EXD2: variants seen among roughly 807,000 people sequenced by gnomAD.
EXD2 encodes the protein exonuclease 3'-5' domain containing 2, also known as exonuclease 3'-5' domain-containing protein 2.
EXD2 carries 40 observed loss-of-function variants against 62.5 expected under a neutral mutation model. The observed-to-expected ratio is 0.64, with a 90% CI of 0.50 to 0.83. The LOEUF is 0.83. Ranked by LOEUF, EXD2 falls within the 40% of genes least tolerant of loss-of-function variation. EXD2 has a pLI of 0.00. For missense variants in EXD2, 671 were observed against 761.8 expected (o/e 0.88, Z 1.40); for synonymous variants, 239 against 291.9 (o/e 0.82, Z 1.85).
chr14:69,209,874 C>T (rs118014825), intron 3 of EXD2, 71 bp downstream of exon 3: 22,060 of 1,239,860 alleles, frequency 0.018, 258 homozygotes, highest in Non-Finnish European at 0.022. Context: ...GGACCTTGGA[C>T]AGTCAAGTAG....
rs1292858734 is a variant in EXD2, at chr14:69,209,686, A to C, written c.216A>C (p.Glu72Asp). The C allele has an allele frequency of 6.4e-7, 1 of 1,550,430 alleles. No homozygotes were observed. The highest frequency in any genetic ancestry group is 8.7e-7 in the Non-Finnish European group (1 of 1,146,984). The change falls in exon 3 of 10, where the codon GAA becomes GAC. Residue 72 changes from glutamate (E) to aspartate (D), a missense_variant. Physicochemically the swap from Glu to Asp is conservative, Grantham distance 45. Transcript: ENST00000685843. ...GTGCCCCCAGATCCTCGTGGAAGGA[A>C]CGGATCCTTAAAGCAAAGGTGGTGA... is the stretch of plus-strand genomic sequence containing the variant. ...HSSAPRSSWKERILKAKVVTV... is the reference protein window; with the variant it reads ...HSSAPRSSWKDRILKAKVVTV...
intron 2 of EXD2, among the ~76,000 whole-genome samples, chr14:69,207,694 C>G (rs2042652901): frequency 6.6e-6 from 1 of 151,980 alleles, no homozygotes; most frequent in Non-Finnish European, 1.5e-5. Context: ...TTGGCTGGCG[C>G]AATATTTTTT....
intron 3 of EXD2, among the ~76,000 whole-genome samples, chr14:69,212,231 G>T (rs1258458840): frequency 6.6e-6 from 1 of 152,014 alleles, no homozygotes; most frequent in African/African-American, 2.4e-5. Flanking sequence ...ACAAAAATTA[G>T]CCAGGCGTGG....
chr14:69,198,692 G>A (rs112245130), intron 1 of EXD2, among the ~76,000 whole-genome samples: 2 of 152,336 alleles, frequency 1.3e-5, no homozygotes, highest in African/African-American at 4.8e-5. Flanking sequence ...AAGGTGAACT[G>A]TAGTAATGGC....
intron 8 of EXD2, 138 bp downstream of exon 8, chr14:69,236,680 C>A: frequency 1.7e-6 from 2 of 1,179,266 alleles, no homozygotes; most frequent in Non-Finnish European, 2.4e-6. Context: ...CCAGCTTCCC[C>A]AAGAGCTTTG....
chr14:69,238,632 G>GT (rs1200860236), intron 9 of EXD2, among the ~76,000 whole-genome samples: 43 of 149,060 alleles, frequency 2.9e-4, no homozygotes, highest in Admixed American at 6.0e-4. Context: ...TAGTTTTGTG[G>GT]TTTTTTTGTT....
chr14:69,220,284 T>TTTTTTTTC (rs1331707550), intron 3 of EXD2, among the ~76,000 whole-genome samples: 2 of 87,752 alleles, frequency 2.3e-5, no homozygotes, highest in African/African-American at 8.2e-5. Flanking sequence ...TTTTTTTTTT[T>TTTTTTTTC]TTTTGAGACA....
intron 1 of EXD2, among the ~76,000 whole-genome samples, chr14:69,202,306 G>T (rs565144223): frequency 6.6e-6 from 1 of 152,100 alleles, no homozygotes; most frequent in South Asian, 2.1e-4. Context: ...GAACCCAAGA[G>T]GTCAAGGGTG....
intron 3 of EXD2, among the ~76,000 whole-genome samples, chr14:69,211,004 G>A (rs1427610149): frequency 6.6e-6 from 1 of 152,182 alleles, no homozygotes; most frequent in Non-Finnish European, 1.5e-5. Context: ...GATCAGGGTA[G>A]TGGTTGCTGA....
intron 1 of EXD2, among the ~76,000 whole-genome samples, chr14:69,196,694 G>T (rs529730402): frequency 1.3e-5 from 2 of 150,548 alleles, no homozygotes; most frequent in African/African-American, 4.9e-5. Context: ...AGTGATCAAA[G>T]CTTACTGCAG....
At chr14:69,213,724 T>TTAGC (rs2042898869) in intron 3 of EXD2, among the ~76,000 whole-genome samples, 2 of 148,252 alleles carry the variant, frequency 1.3e-5, no homozygotes, top group Non-Finnish European at 3.0e-5. Context: ...AGTACATTAG[T>TTAGC]GCAATCTTGA....
chr14:69,216,740 T>G (rs2042998133), intron 3 of EXD2, among the ~76,000 whole-genome samples: 1 of 152,236 alleles, frequency 6.6e-6, no homozygotes, highest in African/African-American at 2.4e-5. Flanking sequence ...CATGAAATTA[T>G]ATATATTATG....
intron 3 of EXD2, among the ~76,000 whole-genome samples, chr14:69,222,534 T>G (rs974661059): frequency 6.6e-5 from 10 of 152,212 alleles, no homozygotes; most frequent in Non-Finnish European, 1.2e-4. Flanking sequence ...ATCTCCTATC[T>G]TATTATCCTT....
At chr14:69,226,625 A>G (rs1233784447) in intron 3 of EXD2, among the ~76,000 whole-genome samples, 2 of 152,024 alleles carry the variant, frequency 1.3e-5, no homozygotes, top group African/African-American at 2.4e-5. Flanking sequence ...GCAGGCGCCT[A>G]TAATCCCAGC....
intron 3 of EXD2, among the ~76,000 whole-genome samples, chr14:69,224,928 G>A (rs1594766341): frequency 6.6e-6 from 1 of 151,252 alleles, no homozygotes; most frequent in Non-Finnish European, 1.5e-5. Flanking sequence ...GCAGTGAGCC[G>A]AGATCACACC....
intron 3 of EXD2, among the ~76,000 whole-genome samples, chr14:69,214,827 G>A (rs535015375): frequency 4.6e-5 from 7 of 152,008 alleles, no homozygotes; most frequent in Non-Finnish European, 7.4e-5. Context: ...ATGAATCATC[G>A]AGTATGTGCT....
chr14:69,242,840 C>T lies in EXD2; in HGVS notation c.*1740C>T, dbSNP rs1238811192. The T allele has an allele frequency of 2.6e-5, 4 of 152,182 alleles. No homozygotes were observed. The highest frequency in any genetic ancestry group is 5.9e-5 in the Non-Finnish European group (4 of 68,028). The allele number at this position is 152,182 out of a possible 1,614,324, so 9.4% of individuals were successfully genotyped here. A position where few individuals can be genotyped will look rare whatever the true frequency, so the allele number is the denominator to read the frequency against. On this transcript the variant is annotated 3_prime_UTR_variant, in exon 10 of 10. Coordinates refer to ENST00000685843, the MANE Select transcript of EXD2 (RefSeq NM_001193360.2). ...TTCTTGAGAAAAAAGCAACTGGTTACTGAACGTAACTCATGACTTATGTTT... is the reference window on the plus strand; with the variant it reads ...TTCTTGAGAAAAAAGCAACTGGTTATTGAACGTAACTCATGACTTATGTTT...
Position 69,206,455 on chromosome 14 carries a change from C to CCTTTTTTTTTTTTTTTTT in EXD2, c.-48+2455_-48+2456insCTTTTTTTTTTTTTTTTT, listed in dbSNP as rs60787528. Among the ~76,000 whole-genome samples the CCTTTTTTTTTTTTTTTTT allele has an allele frequency of 3.7e-3, 350 of 94,642 alleles. 106 individuals are homozygous for CCTTTTTTTTTTTTTTTTT. The highest frequency in any genetic ancestry group is 0.017 in the Middle Eastern group (3 of 172). The allele number at this position is 94,642 out of a possible 152,430, so 62.1% of individuals were successfully genotyped here. A position where few individuals can be genotyped will look rare whatever the true frequency, so the allele number is the denominator to read the frequency against. On this transcript the variant is annotated intron_variant, in intron 2 of 9. Transcript: ENST00000685843. ...CCCAGCTTCATCTCCCACCCACCCA[C>CCTTTTTTTTTTTTTTTTT]TTTTTTTTTTTTTTTTTTTTTTTTT...
intron 5 of EXD2, among the ~76,000 whole-genome samples, chr14:69,234,045 G>A (rs2043684473): frequency 6.6e-6 from 1 of 152,124 alleles, no homozygotes; most frequent in African/African-American, 2.4e-5. Context: ...GGGATTACAG[G>A]TGTGAGCCAC....
Sources: gnomAD v4.1 joint callset for allele counts (sites outside exome capture counted in the v4.1 genomes callset) on GRCh38, gnomAD v4.1.1 for gene constraint, MANE v1.5 for transcripts, NCBI Gene and HGNC (gene_info 2026-07-23, HGNC 2026-07-21) for gene names.